Variants in NSMCE2 observed in about 807,000 individuals in gnomAD.
The protein encoded by NSMCE2 is NSE2 SUMO ligase component of SMC5/6 complex.
A neutral mutation model predicts 23.8 loss-of-function variants in NSMCE2; 24 were observed. The ratio of observed to expected loss-of-function variants is 1.01; its 90% CI spans 0.73 to 1.42. The LOEUF (loss-of-function observed/expected upper bound fraction) is 1.42, where lower values mean the gene tolerates loss of function less well. Ranked by LOEUF, NSMCE2 falls within the 40% of genes most tolerant of loss-of-function variation. The pLI is 0.00. For synonymous variants in NSMCE2, 92 were observed against 94.1 expected (o/e 0.98, Z 0.13); for missense variants, 284 against 296.5 (o/e 0.96, Z 0.31).
intron 5 of NSMCE2, among the ~76,000 whole-genome samples, chr8:125,194,093 C>T (rs963013154): frequency 3.9e-5 from 6 of 152,116 alleles, no homozygotes; most frequent in African/African-American, 1.4e-4. Flanking sequence ...AAAGCACTCT[C>T]CCATCTATTA....
chr8:125,208,343 ACTGT>A (rs1369310513), intron 5 of NSMCE2, among the ~76,000 whole-genome samples: 1 of 152,206 alleles, frequency 6.6e-6, no homozygotes, highest in Non-Finnish European at 1.5e-5. Flanking sequence ...AGTATCTTTA[ACTGT>A]CTGTTTTTGC....
intron 5 of NSMCE2, among the ~76,000 whole-genome samples, chr8:125,307,207 AT>A (rs971824297): frequency 3.3e-5 from 5 of 151,734 alleles, no homozygotes; most frequent in Admixed American, 6.6e-5. Flanking sequence ...AGACAAGGAA[AT>A]TTTTTTTTCT....
At chr8:125,309,248 CA>C (rs111355815) in intron 5 of NSMCE2, among the ~76,000 whole-genome samples, 9,708 of 65,472 alleles carry the variant, frequency 0.15, 599 homozygotes, top group African/African-American at 0.35. Context: ...AACTCTGTCT[CA>C]AAAAAAAAAA....
At chr8:125,355,204 T>C (rs956359741) in intron 5 of NSMCE2, among the ~76,000 whole-genome samples, 2 of 152,302 alleles carry the variant, frequency 1.3e-5, no homozygotes, top group African/African-American at 4.8e-5. Context: ...CCCACAGTCA[T>C]CAGTTCTATG....
At chr8:125,199,963 TA>T (rs1263514903) in intron 5 of NSMCE2, among the ~76,000 whole-genome samples, 1 of 152,224 alleles carries the variant, frequency 6.6e-6, no homozygotes, top group Non-Finnish European at 1.5e-5. Context: ...TTTGTTGGTT[TA>T]AAGTCTGTTT....
intron 3 of NSMCE2, among the ~76,000 whole-genome samples, chr8:125,139,907 C>T (rs925401322): frequency 2.0e-5 from 3 of 152,328 alleles, no homozygotes; most frequent in South Asian, 2.1e-4. Context: ...CAATTTTCAT[C>T]GTGAAACTTC....
At chr8:125,156,544 G>A (rs1031737389) in intron 4 of NSMCE2, among the ~76,000 whole-genome samples, 2 of 152,180 alleles carry the variant, frequency 1.3e-5, no homozygotes, top group Non-Finnish European at 1.5e-5. Context: ...ACTGGAGCAA[G>A]TAGGTGCTAG....
At chr8:125,312,075 TAAA>T (rs56906621) in intron 5 of NSMCE2, among the ~76,000 whole-genome samples, 1 of 99,410 alleles carries the variant, frequency 1.0e-5, no homozygotes, top group African/African-American at 4.0e-5. Flanking sequence ...CCATCTCAAT[TAAA>T]AAAAAAAAAA....
chr8:125,286,718 G>A (rs1051079084), intron 5 of NSMCE2, among the ~76,000 whole-genome samples: 1 of 147,220 alleles, frequency 6.8e-6, no homozygotes, highest in Non-Finnish European at 1.5e-5. Flanking sequence ...GCTTCCCTAA[G>A]CCTTGTTTAT....
At chr8:125,274,106 A>T (rs1348221785) in intron 5 of NSMCE2, among the ~76,000 whole-genome samples, 1 of 152,132 alleles carries the variant, frequency 6.6e-6, no homozygotes, top group Non-Finnish European at 1.5e-5. Flanking sequence ...GGCCTCTCAG[A>T]CTGTTTCTAC....
chr8:125,292,049 AC>A (rs1828130079), intron 5 of NSMCE2, among the ~76,000 whole-genome samples: 1 of 152,118 alleles, frequency 6.6e-6, no homozygotes, highest in Non-Finnish European at 1.5e-5. Context: ...CAGGAAGTGC[AC>A]ATCACTTCCA....
chr8:125,366,974 C>G lies in NSMCE2; in HGVS notation c.*89C>G, dbSNP rs1011371819. 2 of 733,264 alleles carry G rather than the reference C, an allele frequency of 2.7e-6. No homozygotes were observed. Among genetic ancestry groups the G allele is most frequent in the Non-Finnish European group, 4.9e-6 (2 of 410,744 alleles). 45.4% of individuals were successfully genotyped at this position (733,264 alleles called of 1,614,324 possible). A position where few individuals can be genotyped will look rare whatever the true frequency, so the allele number is the denominator to read the frequency against. ...CAGTGCTGACCCCAGCAGTTAGGGACTGGCTGCATAGCATACTTGTTGGGG... is the reference window on the plus strand; with the variant it reads ...CAGTGCTGACCCCAGCAGTTAGGGAGTGGCTGCATAGCATACTTGTTGGGG... On this transcript the variant is annotated 3_prime_UTR_variant, in exon 8 of 8. Transcript: ENST00000287437.
intron 1 of NSMCE2, among the ~76,000 whole-genome samples, chr8:125,096,028 T>C (rs1817912908): frequency 6.6e-6 from 1 of 152,216 alleles, no homozygotes; most frequent in Non-Finnish European, 1.5e-5. Flanking sequence ...TGAAGTTTCT[T>C]TCATGCATGG....
intron 5 of NSMCE2, among the ~76,000 whole-genome samples, chr8:125,219,933 A>G (rs921991079): frequency 2.6e-5 from 4 of 152,170 alleles, no homozygotes; most frequent in Admixed American, 6.5e-5. Context: ...CTTTCCTAAT[A>G]CAGTGAGGCA....
chr8:125,157,594 CAG>C (rs1420582504), intron 4 of NSMCE2, among the ~76,000 whole-genome samples: 3 of 152,088 alleles, frequency 2.0e-5, no homozygotes, highest in African/African-American at 7.2e-5. Flanking sequence ...TAAACAGAGA[CAG>C]AGACAATTAG....
At chr8:125,277,583 T>A (rs573110614) in intron 5 of NSMCE2, among the ~76,000 whole-genome samples, 1 of 152,082 alleles carries the variant, frequency 6.6e-6, no homozygotes, top group South Asian at 2.1e-4. Flanking sequence ...CTCAGCTCAC[T>A]GCAAGCTCCG....
At chr8:125,171,709 T>TATA (rs142119790) in intron 4 of NSMCE2, among the ~76,000 whole-genome samples, 12,652 of 152,080 alleles carry the variant, frequency 0.083, 603 homozygotes, top group Middle Eastern at 0.28. Flanking sequence ...TTAAACTTGC[T>TATA]ATAATAATAA....
chr8:125,096,834 C>T (rs1480286988), intron 1 of NSMCE2, among the ~76,000 whole-genome samples: 1 of 151,916 alleles, frequency 6.6e-6, no homozygotes, highest in Non-Finnish European at 1.5e-5. Flanking sequence ...TGGTCTTGAA[C>T]TCCTGACCTC....
intron 5 of NSMCE2, among the ~76,000 whole-genome samples, chr8:125,355,619 G>C (rs1026737752): frequency 7.0e-6 from 1 of 143,468 alleles, no homozygotes; most frequent in African/African-American, 2.6e-5. Context: ...AGAATCACTT[G>C]AACCTGGGAG....
Sources: allele counts gnomAD v4.1 joint callset (sites outside exome capture counted in the v4.1 genomes callset), GRCh38; gene constraint gnomAD v4.1.1; transcripts MANE v1.5; gene names NCBI Gene and HGNC (gene_info 2026-07-23, HGNC 2026-07-21).